TBCE: variants seen among roughly 807,000 people sequenced by gnomAD.
The protein encoded by TBCE is tubulin folding cofactor E.
Under a neutral mutation model 77.0 loss-of-function variants are expected in TBCE, and 53 were observed. The ratio of observed to expected loss-of-function variants is 0.69; its 90% confidence interval spans 0.55 to 0.87. The LOEUF is 0.87. Ranked by LOEUF, TBCE falls within the 40% of genes least tolerant of loss-of-function variation. The pLI is 0.00. For synonymous variants in TBCE, 235 were observed against 241.3 expected (o/e 0.97, Z 0.24); for missense variants, 624 against 622.4 (o/e 1.00, Z -0.03).
intron 1 of TBCE, among the ~76,000 whole-genome samples, chr1:235,378,752 T>C (rs569870356): frequency 6.6e-6 from 1 of 152,192 alleles, no homozygotes; most frequent in South Asian, 2.1e-4. Flanking sequence ...TCCCAGTTAC[T>C]AGGGAGGCTG....
At chr1:235,386,783 C>A (rs1244397053) in intron 2 of TBCE, among the ~76,000 whole-genome samples, 1 of 152,180 alleles carries the variant, frequency 6.6e-6, no homozygotes, top group Admixed American at 6.6e-5. Context: ...TCGTCTGAAG[C>A]CTTCTTCTCT....
rs1343940992 is a variant in TBCE at position 235,383,746 on chromosome 1, A to G, written c.100+3597A>G. On this transcript the variant is annotated intron_variant, in intron 2 of 16. Coordinates refer to ENST00000642610, the MANE Select transcript of TBCE (RefSeq NM_003193.5). ...GACAGTGGGGTTTTCTAGATATACA[A>G]TCATGTCATCTGCAAATAGGGATAA... is the stretch of plus-strand genomic sequence containing the variant. 3.3e-5 allele frequency among the ~76,000 whole-genome samples: 5 copies of G among 152,204 alleles called. No homozygotes were observed. The East Asian group carries it at 7.7e-4, about 23-fold the overall frequency.
intron 3 of TBCE, among the ~76,000 whole-genome samples, chr1:235,411,314 T>G (rs1679768052): frequency 6.6e-6 from 1 of 152,166 alleles, no homozygotes; most frequent in Non-Finnish European, 1.5e-5. Flanking sequence ...GCTCTATAAG[T>G]CAAGTTTGAT....
At chr1:235,368,617 G>A (rs1387289332) in intron 1 of TBCE, among the ~76,000 whole-genome samples, 2 of 133,452 alleles carry the variant, frequency 1.5e-5, no homozygotes, top group Non-Finnish European at 3.1e-5. Context: ...GGTGTGCAGT[G>A]GCCCAATCTC....
intron 1 of TBCE, among the ~76,000 whole-genome samples, chr1:235,375,322 T>C (rs1046639995): frequency 1.3e-5 from 2 of 152,136 alleles, no homozygotes; most frequent in African/African-American, 4.8e-5. Flanking sequence ...TTTTAAAAAG[T>C]CATTCCATCT....
In TBCE at chr1:235,380,081, G is replaced by A; in HGVS notation, c.32G>A (p.Gly11Asp). The change falls in exon 2 of 17, where the codon GGT becomes GAT. Residue 11 changes from glycine (G) to aspartate (D), a missense_variant. Physicochemically the swap from Gly to Asp is moderately conservative, Grantham distance 94 (BLOSUM62 -1). Transcript: ENST00000642610. ...GACACTTTGACAGCGGATGTCATTGGTCGAAGAGTTGAAGTTAATGGAGAA... is the reference window on the plus strand; with the variant it reads ...GACACTTTGACAGCGGATGTCATTGATCGAAGAGTTGAAGTTAATGGAGAA... Reference protein sequence around the residue: MSDTLTADVIGRRVEVNGEHA... With the variant: MSDTLTADVIDRRVEVNGEHA... The A allele has an allele frequency of 2.5e-6, 4 of 1,613,564 alleles. No homozygotes were observed. The highest frequency in any genetic ancestry group is 3.4e-6 in the Non-Finnish European group (4 of 1,179,824).
chr1:235,381,756 G>C (rs1677668919), intron 2 of TBCE, among the ~76,000 whole-genome samples: 1 of 146,834 alleles, frequency 6.8e-6, no homozygotes. Context: ...TTTGTATAAA[G>C]TGCAGCAAGA....
rs746163655 is a variant in TBCE, at chr1:235,434,226, G to A, written c.683G>A (p.Cys228Tyr). The change falls in exon 8 of 17, where the codon TGC (cysteine) becomes TAC (tyrosine). Residue 228 changes from cysteine (C) to tyrosine (Y), a missense_variant. Physicochemically the swap from Cys to Tyr is radical, Grantham distance 194. Transcript: ENST00000642610. ...WAEVLRCVAG[C>Y]PGLEELYLES... is the part of the protein sequence containing the mutation. ...CAGGTGCTGCGGTGTGTCGCGGGGT[G>A]CCCAGGCCTGGAGGAACTCTACCTT... 18 of 1,613,964 alleles carry A rather than the reference G, an allele frequency of 1.1e-5. No homozygotes were observed. The Admixed American group carries it at 3.0e-4, about 27-fold the overall frequency.
chr1:235,441,728 T>G lies in TBCE; in HGVS notation c.1271-86T>G, dbSNP rs530364039. The G allele has an allele frequency of 4.7e-5, 60 of 1,275,952 alleles. No homozygotes were observed. In the African/African-American group the frequency reaches 8.1e-4, roughly 17 times the overall value. The allele number at this position is 1,275,952 out of a possible 1,614,324, so 79.0% of individuals were successfully genotyped here. A position where few individuals can be genotyped will look rare whatever the true frequency, so the allele number is the denominator to read the frequency against. On this transcript the variant is annotated intron_variant, in intron 13 of 16. Transcript: ENST00000642610. ...GAAAGGCACAGGCTCTCTGGACGCT[T>G]ACCTATCCTTTGTTTGTTTGTTTGT... is the stretch of plus-strand genomic sequence containing the variant.
rs115696744 is a variant in TBCE, at chr1:235,442,663, A to G, written c.1340-189A>G. On this transcript the variant is annotated intron_variant, in intron 14 of 16. Transcript: ENST00000642610. ...GTACTAAGTGGGGAAAAGGGAAAGTATTGTCCAGCTATTTCTGTTGTTGTT... is the reference window on the plus strand; with the variant it reads ...GTACTAAGTGGGGAAAAGGGAAAGTGTTGTCCAGCTATTTCTGTTGTTGTT... Among the ~76,000 whole-genome samples, 1,052 of 152,310 alleles carry G rather than the reference A, an allele frequency of 6.9e-3. 12 individuals carry two copies. Among genetic ancestry groups the G allele is most frequent in the African/African-American group, 0.024 (1,001 of 41,568 alleles).
chr1:235,393,264 C>T (rs974730425), intron 2 of TBCE, among the ~76,000 whole-genome samples: 13 of 152,148 alleles, frequency 8.5e-5, no homozygotes, highest in Admixed American at 7.9e-4. Flanking sequence ...AATGGTCGGG[C>T]GTGGTGGCTC....
chr1:235,442,058 A>G (rs1373193521), intron 14 of TBCE, among the ~76,000 whole-genome samples, 176 bp downstream of exon 14: 1 of 147,638 alleles, frequency 6.8e-6, no homozygotes, highest in African/African-American at 2.5e-5. Flanking sequence ...CCCAGGCTGG[A>G]GTGCAGTGGT....
intron 1 of TBCE, among the ~76,000 whole-genome samples, chr1:235,378,192 C>T (rs557766663): frequency 6.6e-6 from 1 of 152,162 alleles, no homozygotes; most frequent in South Asian, 2.1e-4. Context: ...AATCCTTGTA[C>T]TTCAACACTG....
intron 2 of TBCE, among the ~76,000 whole-genome samples, chr1:235,391,854 A>G: frequency 6.6e-6 from 1 of 151,322 alleles, no homozygotes; most frequent in East Asian, 1.9e-4. Flanking sequence ...TGATCAACCC[A>G]CCTCACCCTC....
intron 5 of TBCE, among the ~76,000 whole-genome samples, chr1:235,425,980 T>C (rs1680687789): frequency 2.0e-5 from 3 of 152,216 alleles, no homozygotes; most frequent in African/African-American, 7.2e-5. Context: ...TTGAGGCCCC[T>C]GTGTCGTGAT....
intron 2 of TBCE, among the ~76,000 whole-genome samples, chr1:235,385,858 T>C (rs1225676421): frequency 2.0e-5 from 3 of 152,178 alleles, no homozygotes; most frequent in Non-Finnish European, 4.4e-5. Flanking sequence ...CATCCTGTCA[T>C]TATGATGTTA....
chr1:235,368,005 A>C (rs925441249), intron 1 of TBCE, among the ~76,000 whole-genome samples: 2 of 152,162 alleles, frequency 1.3e-5, no homozygotes, highest in Non-Finnish European at 2.9e-5. Context: ...TCCTGGGTTC[A>C]AGCGATTCTG....
intron 1 of TBCE, among the ~76,000 whole-genome samples, chr1:235,369,764 G>A (rs1158790607): frequency 6.7e-6 from 1 of 149,630 alleles, no homozygotes; most frequent in Non-Finnish European, 1.5e-5. Context: ...GGGCAGGCGC[G>A]GAGGTTGCAG....
chr1:235,372,545 G>T (rs569554445), intron 1 of TBCE, among the ~76,000 whole-genome samples: 3 of 152,174 alleles, frequency 2.0e-5, no homozygotes, highest in African/African-American at 7.2e-5. Context: ...ACTTTGGAAG[G>T]CTGAGACGGG....
Sources: gnomAD v4.1 joint callset for allele counts (sites outside exome capture counted in the v4.1 genomes callset) on GRCh38, gnomAD v4.1.1 for gene constraint, MANE v1.5 for transcripts, NCBI Gene and HGNC (gene_info 2026-07-23, HGNC 2026-07-21) for gene names.